The following MUC20 variants were observed in gnomAD, a reference collection of about 807,000 sequenced individuals.
MUC20 encodes the protein mucin-20.
In MUC20, 14 loss-of-function variants were observed where a neutral mutation model predicts 23.8. The ratio of observed to expected loss-of-function variants is 0.59; its 90% CI spans 0.39 to 0.92. MUC20 has a LOEUF of 0.92. MUC20 is among the 40% of genes least tolerant of loss of function. MUC20 has a pLI of 0.00. For missense variants in MUC20, 375 were observed against 668.8 expected, an observed-to-expected ratio of 0.56 and a Z score of 4.85; for synonymous variants, 166 against 279.3, an observed-to-expected ratio of 0.59 and a Z score of 4.04.
chr3:195,726,246 G>T lies in MUC20; in HGVS notation c.1643G>T (p.Gly548Val). The part of the protein sequence containing the change: ...VETPSYVKVS[G>V]AAPVSIEAGS... ...ACACCAAGTTACGTCAAAGTCTCAG[G>T]AGCAGCTCCGGTCTCCATAGAGGCT... Residue 548 changes from glycine to valine, a missense_variant, in exon 2 of 4, where the codon GGA becomes GTA. Transcript: ENST00000447234. The T allele has an allele frequency of 6.2e-7, 1 of 1,613,984 alleles. No homozygotes were observed. Among genetic ancestry groups the T allele is most frequent in the Non-Finnish European group, 8.5e-7 (1 of 1,179,854 alleles).
chr3:195,723,175 C>A (rs112864040), intron 1 of MUC20, among the ~76,000 whole-genome samples: 3,696 of 126,748 alleles, frequency 0.029, no homozygotes, highest in Middle Eastern at 0.062. Flanking sequence ...CGGAGCCAGT[C>A]GTGGGCGGCA....
intron 2 of MUC20, among the ~76,000 whole-genome samples, chr3:195,727,911 G>A (rs2550238): frequency 0.8 from 109,657 of 137,184 alleles, 42,542 homozygotes; most frequent in African/African-American, 0.94. Context: ...GTGTACCACC[G>A]GCTTTGCATA....
At chr3:195,729,497 G>A in intron 2 of MUC20, 151 bp from the exon 3 acceptor site, 1 of 732,374 alleles carries the variant, frequency 1.4e-6, no homozygotes, top group Non-Finnish European at 2.2e-6. Context: ...TGTGTTTTTA[G>A]TAAAGACGGG....
intron 2 of MUC20, chr3:195,729,398 C>T (rs1713118460): frequency 2.2e-6 from 1 of 445,382 alleles, no homozygotes; most frequent in Non-Finnish European, 4.1e-6. Flanking sequence ...ATCACCACAA[C>T]CTCCGCCTCC....
chr3:195,729,103 ATACTT>A (rs1457553892), intron 2 of MUC20, among the ~76,000 whole-genome samples: 5 of 152,256 alleles, frequency 3.3e-5, no homozygotes, highest in Admixed American at 3.3e-4. Flanking sequence ...GGAAAGAAAA[ATACTT>A]TATTATTTGT....
rs752444504 is a variant in MUC20 at position 195,725,905 on chromosome 3, C to T, written c.1302C>T (p.Ser434=). The T allele has an allele frequency of 6.2e-7, 1 of 1,612,484 alleles. No individual in the cohort carries two copies. The highest frequency in any genetic ancestry group is 1.3e-5 in the African/African-American group (1 of 74,780). The part of the protein sequence containing the change: ...CSITEIETTT[S]SIPGASDTDL... ...TCACAGAAATAGAAACAACGACTTC[C>T]AGCATCCCTGGGGCCTCAGACACAG... is the stretch of plus-strand genomic sequence containing the variant. Residue 434 remains serine (S), a synonymous_variant, in exon 2 of 4, where the codon TCC becomes TCT. Coordinates refer to ENST00000447234, the MANE Select transcript of MUC20 (RefSeq NM_001282506.2).
At chr3:195,727,628 A>G (rs1712835076) in intron 2 of MUC20, among the ~76,000 whole-genome samples, 2 of 152,278 alleles carry the variant, frequency 1.3e-5, no homozygotes, top group Admixed American at 1.3e-4. Context: ...ACAACCACTC[A>G]ATACATAAAG....
Position 195,733,240 on chromosome 3 carries a change from C to A in MUC20, c.*22C>A, listed in dbSNP as rs753879962. On this transcript the variant is annotated 3_prime_UTR_variant, in exon 4 of 4. Transcript: ENST00000447234. Reference sequence around the variant, plus strand: ...CTAACGGACATCAGCTGCAGCCAGGCATGTCCCGTATGCCAAAAGAGGGTG... The same window carrying A: ...CTAACGGACATCAGCTGCAGCCAGGAATGTCCCGTATGCCAAAAGAGGGTG... 8.8e-5 allele frequency: 139 copies of A among 1,574,672 alleles called. No homozygotes were observed. Among genetic ancestry groups the A allele is most frequent in the East Asian group, 3.8e-4 (16 of 42,022 alleles).
intron 1 of MUC20, among the ~76,000 whole-genome samples, chr3:195,723,549 G>GT (rs1712361113): frequency 8.0e-6 from 1 of 124,466 alleles, no homozygotes; most frequent in East Asian, 2.0e-4. Flanking sequence ...TTTTTTAAGT[G>GT]TAAGTATGTA....
intron 1 of MUC20, chr3:195,722,770 T>C (rs1373744591): frequency 1.0e-6 from 1 of 984,666 alleles, no homozygotes; most frequent in African/African-American, 1.8e-5. Context: ...AGGCTTGAAG[T>C]GGGGAGAAGA....
At chr3:195,721,263 G>C (rs1370161834) in intron 1 of MUC20, among the ~76,000 whole-genome samples, 180 bp downstream of exon 1, 1 of 151,868 alleles carries the variant, frequency 6.6e-6, no homozygotes, top group Non-Finnish European at 1.5e-5. Flanking sequence ...GACAGTGTGA[G>C]TGTAAGCGTG....
At chr3:195,731,743 C>G (rs1470144413) in intron 3 of MUC20, among the ~76,000 whole-genome samples, 3 of 152,252 alleles carry the variant, frequency 2.0e-5, no homozygotes, top group African/African-American at 7.2e-5. Flanking sequence ...TGAGCTTAGC[C>G]CTTGTACTCC....
In MUC20 at chr3:195,729,912, C is replaced by T. The variant is rs889676034; in HGVS notation, c.2061+173C>T. ...GATCTCTGCCTGGCTTTGCTTCTGC[C>T]TGCCTTCTCCGAGTTCTTCATTTCC... On this transcript the variant is annotated intron_variant, in intron 3 of 3. Coordinates refer to ENST00000447234, the MANE Select transcript of MUC20 (RefSeq NM_001282506.2). 30 of 666,364 alleles carry T rather than the reference C, an allele frequency of 4.5e-5. No homozygotes were observed. The African/African-American group carries it at 4.5e-4, about 10-fold the overall frequency. The allele number at this position is 666,364 out of a possible 1,614,324, so 41.3% of individuals were successfully genotyped here. A position where few individuals can be genotyped will look rare whatever the true frequency, so the allele number is the denominator to read the frequency against.
chr3:195,727,184 G>A (rs896374634), intron 2 of MUC20, among the ~76,000 whole-genome samples: 1 of 152,286 alleles, frequency 6.6e-6, no homozygotes, highest in African/African-American at 2.4e-5. Context: ...CGGATCACCT[G>A]AGGTCAGGAG....
At position 195,725,062 on chromosome 3, in the gene MUC20, G is replaced by A. The variant is rs569242835; in HGVS notation, c.459G>A (p.Lys153=). The A allele has an allele frequency of 6.3e-7, 1 of 1,598,984 alleles. No individual in the cohort carries two copies. The highest frequency in any genetic ancestry group is 2.2e-5 in the East Asian group (1 of 44,620). The change falls in exon 2 of 4, where the codon AAG becomes AAA. Residue 153 remains lysine (K), a synonymous_variant. Transcript: ENST00000447234. The part of the protein sequence containing the change: ...LCTDDSSEEA[K]TLTMDILTLA... ...CCGATGACAGCTCTGAAGAGGCAAA[G>A]ACACTCACAATGGACATATTGACAT... is the stretch of plus-strand genomic sequence containing the variant.
chr3:195,723,617 G>A (rs1309092768), intron 1 of MUC20, among the ~76,000 whole-genome samples: 1 of 95,082 alleles, frequency 1.1e-5, no homozygotes, highest in Non-Finnish European at 2.2e-5. Context: ...TATCTGAAAT[G>A]CAAGTTCAAA....
chr3:195,731,969 C>T (rs891842426), intron 3 of MUC20, among the ~76,000 whole-genome samples: 13 of 135,714 alleles, frequency 9.6e-5, no homozygotes, highest in Non-Finnish European at 1.7e-4. Flanking sequence ...AGAGGGAAGC[C>T]AATTGCTTTT....
rs779036709 is a variant in MUC20, at chr3:195,726,405, C to T, written c.1802C>T (p.Pro601Leu). 2 of 1,614,092 alleles carry T rather than the reference C, an allele frequency of 1.2e-6. No homozygotes were observed. Among genetic ancestry groups the T allele is most frequent in the African/African-American group, 2.7e-5 (2 of 75,078 alleles). ...TMDIATKGPF[P>L]TSRDPLPSVP... ...GACATCGCAACCAAGGGGCCCTTCC[C>T]CACCAGCAGGGACCCTCTTCCTTCT... Residue 601 changes from proline to leucine, a missense_variant, in exon 2 of 4, where the codon CCC becomes CTC. Pro to Leu is a moderately conservative substitution (Grantham distance 98, BLOSUM62 -3). Coordinates refer to ENST00000447234, the MANE Select transcript of MUC20 (RefSeq NM_001282506.2).
intron 1 of MUC20, chr3:195,721,568 A>G (rs1346989369): frequency 1.1e-5 from 2 of 185,964 alleles, no homozygotes; most frequent in Non-Finnish European, 2.2e-5. Context: ...GAAAAGTCCA[A>G]CTGCCACAAA....
Sources: gnomAD v4.1 joint callset for allele counts (sites outside exome capture counted in the v4.1 genomes callset) on GRCh38, gnomAD v4.1.1 for gene constraint, MANE v1.5 for transcripts, NCBI Gene and HGNC (gene_info 2026-07-23, HGNC 2026-07-21) for gene names.